DNAH9: variants seen among roughly 807,000 people sequenced by gnomAD.
DNAH9 encodes DNAH9 variant protein.
A neutral mutation model predicts 471.6 loss-of-function variants in DNAH9; 345 were observed. The ratio of observed to expected loss-of-function variants is 0.73; its 90% CI spans 0.67 to 0.80. DNAH9 has a LOEUF of 0.80. DNAH9 is among the 30% of genes least tolerant of loss of function. DNAH9 has a pLI of 0.00. For missense variants in DNAH9, 5,407 were observed against 5,609.2 expected, an observed-to-expected ratio of 0.96 and a Z score of 1.15; for synonymous variants, 2,093 against 2,123.6, an observed-to-expected ratio of 0.99 and a Z score of 0.40.
chr17:11,769,499 G>C (rs1224009472), intron 38 of DNAH9, among the ~76,000 whole-genome samples, 170 bp downstream of exon 38: 2 of 152,026 alleles, frequency 1.3e-5, no homozygotes, highest in African/African-American at 2.4e-5. Context: ...CCTCTTTCTG[G>C]CTCCTCCAGC....
chr17:11,932,163 C>A lies in DNAH9; in HGVS notation c.12255C>A (p.Ile4085=). The A allele has an allele frequency of 6.2e-7, 1 of 1,614,086 alleles. No homozygotes were observed. Among genetic ancestry groups the A allele is most frequent in the Admixed American group, 1.7e-5 (1 of 59,992 alleles). Residue 4085 remains isoleucine (I), a synonymous_variant, in exon 64 of 69, where the codon ATC becomes ATA. Transcript: ENST00000262442. This position sits in a 1 kb window ranked among gnomAD's most constrained non-coding sequence, Gnocchi z 4.3. The stretch of plus-strand genomic sequence containing the variant: ...CCTTTAACACTGGAGACCTCACTAT[C>A]TCTGTGAATGTCCTCTACAACTTCC... ...SYPFNTGDLT[I]SVNVLYNFLE...
chr17:11,875,518 T>TA (rs1380146340), intron 53 of DNAH9, among the ~76,000 whole-genome samples: 1 of 152,224 alleles, frequency 6.6e-6, no homozygotes, highest in Non-Finnish European at 1.5e-5. Flanking sequence ...CTGTGCTTTA[T>TA]AAAGTTTTCC....
chr17:11,704,890 T>C (rs947034932), intron 25 of DNAH9, 135 bp from the exon 26 acceptor site: 8 of 739,542 alleles, frequency 1.1e-5, no homozygotes, highest in Non-Finnish European at 1.9e-5. Flanking sequence ...GTGCTTTCTA[T>C]GCTGTGGTGG....
intron 14 of DNAH9, among the ~76,000 whole-genome samples, chr17:11,660,256 C>G (rs1215807767): frequency 6.7e-6 from 1 of 148,404 alleles, no homozygotes; most frequent in African/African-American, 2.5e-5. Flanking sequence ...TTTAGTAGTG[C>G]TTTAGTTTCA....
chr17:11,636,696 A>C lies in DNAH9; in HGVS notation c.1698A>C (p.Lys566Asn). The change falls in exon 9 of 69, where the codon AAA becomes AAC. Residue 566 changes from lysine to asparagine, a missense_variant. Around this residue, in one of 3 missense-constraint regions of DNAH9, gnomAD observed 4,636 missense variants for 4,900.3 expected, o/e 0.95. Transcript: ENST00000262442. ...TGGTAGCGAGGGATACATCTGATAA[A>C]TACCTGGTCCTCATCCAAATGTTCA... The part of the protein sequence containing the change: ...RPLVARDTSD[K>N]YLVLIQMFNK... The C allele has an allele frequency of 6.2e-7, 1 of 1,613,798 alleles. No individual in the cohort carries two copies. Among genetic ancestry groups the C allele is most frequent in the Admixed American group, 1.7e-5 (1 of 60,020 alleles).
intron 4 of DNAH9, 110 bp downstream of exon 4, chr17:11,611,890 C>T (rs1263439194): frequency 2.0e-5 from 21 of 1,050,818 alleles, no homozygotes; most frequent in African/African-American, 9.3e-5. Flanking sequence ...TGTAAATTTC[C>T]GACCCGACAC....
Position 11,822,844 on chromosome 17 carries a change from A to C in DNAH9, c.9056A>C (p.His3019Pro). ...QSISKFMAFV[H>P]TSVNQTSQSY... ...ATTAGCAAATTCATGGCCTTTGTCC[A>C]CACAAGTGTCAACCAAACATCCCAG... is the stretch of plus-strand genomic sequence containing the variant. The change falls in exon 48 of 69, where the codon CAC (histidine) becomes CCC (proline). Residue 3019 changes from histidine to proline, a missense_variant. By Grantham distance (77) the His-to-Pro change is moderately conservative. Coordinates refer to ENST00000262442, the MANE Select transcript of DNAH9 (RefSeq NM_001372.4). 1 of 1,614,230 alleles carries C rather than the reference A, an allele frequency of 6.2e-7. No homozygotes were observed.
chr17:11,804,853 G>A (rs1343085348), intron 43 of DNAH9, among the ~76,000 whole-genome samples: 1 of 150,072 alleles, frequency 6.7e-6, no homozygotes, highest in East Asian at 2.0e-4. Flanking sequence ...CAGCCTGGAC[G>A]ACAGAGCGAG....
intron 7 of DNAH9, among the ~76,000 whole-genome samples, chr17:11,631,640 C>CAAA (rs112063494): frequency 2.6e-5 from 3 of 114,816 alleles, no homozygotes; most frequent in South Asian, 3.1e-4. Context: ...GACTCTGTCT[C>CAAA]AAAAAAAAAA....
intron 26 of DNAH9, among the ~76,000 whole-genome samples, chr17:11,713,853 A>G (rs1157050393): frequency 2.0e-5 from 3 of 152,232 alleles, no homozygotes; most frequent in South Asian, 4.1e-4. Flanking sequence ...TTTGAGACAG[A>G]CAAATAATGA....
intron 38 of DNAH9, among the ~76,000 whole-genome samples, chr17:11,775,157 C>T (rs1968371030): frequency 1.3e-5 from 2 of 152,166 alleles, no homozygotes; most frequent in Admixed American, 6.5e-5. Context: ...TTCTTTCACT[C>T]AGCATGATTT....
chr17:11,600,967 C>T (rs1029643744), intron 1 of DNAH9, among the ~76,000 whole-genome samples: 16 of 152,206 alleles, frequency 1.1e-4, no homozygotes, highest in African/African-American at 1.2e-4. Flanking sequence ...AGCCACACAT[C>T]GCTCCCCTGA....
chr17:11,643,925 A>G (rs866659031), intron 10 of DNAH9, among the ~76,000 whole-genome samples: 17 of 152,244 alleles, frequency 1.1e-4, no homozygotes, highest in African/African-American at 3.4e-4. Context: ...ACAGCAAAAA[A>G]TAAGGCATAA....
At chr17:11,793,998 G>A (rs1218274031) in intron 42 of DNAH9, among the ~76,000 whole-genome samples, 3 of 149,038 alleles carry the variant, frequency 2.0e-5, no homozygotes, top group Non-Finnish European at 3.0e-5. Flanking sequence ...TTCCAAGGCC[G>A]CCATTTTGGG....
intron 48 of DNAH9, among the ~76,000 whole-genome samples, chr17:11,827,677 A>G (rs1970543424): frequency 7.8e-6 from 1 of 128,040 alleles, no homozygotes; most frequent in Non-Finnish European, 1.7e-5. Flanking sequence ...CCTTGGGATC[A>G]TCCTTGGTTC....
intron 41 of DNAH9, among the ~76,000 whole-genome samples, chr17:11,789,895 A>G (rs1376507732): frequency 6.6e-6 from 1 of 152,018 alleles, no homozygotes; most frequent in African/African-American, 2.4e-5. Context: ...TATTTTTATT[A>G]TCATTCAGTT....
chr17:11,675,736 A>T (rs546145280), intron 17 of DNAH9, among the ~76,000 whole-genome samples: 5 of 152,290 alleles, frequency 3.3e-5, no homozygotes, highest in Admixed American at 1.3e-4. Flanking sequence ...TGAACATATT[A>T]TTTGGCTTCT....
intron 36 of DNAH9, among the ~76,000 whole-genome samples, chr17:11,765,625 T>A (rs538411541): frequency 6.6e-6 from 1 of 152,204 alleles, no homozygotes; most frequent in South Asian, 2.1e-4. Flanking sequence ...GAAAGGGAAG[T>A]CTCCAAGGAC....
At chr17:11,836,887 G>A (rs780238087) in intron 49 of DNAH9, among the ~76,000 whole-genome samples, 2 of 152,104 alleles carry the variant, frequency 1.3e-5, no homozygotes, top group African/African-American at 2.4e-5. Context: ...GATGACTATC[G>A]TTCAAATACT....
Sources: gnomAD v4.1 joint callset for allele counts (sites outside exome capture counted in the v4.1 genomes callset) on GRCh38, gnomAD v4.1.1 for gene constraint, gnomAD v4.1.1 regional missense constraint, Gnocchi (gnomAD v3.1) non-coding constraint, MANE v1.5 for transcripts, NCBI Gene and HGNC (gene_info 2026-07-23, HGNC 2026-07-21) for gene names.